CEPT1: variants seen among roughly 807,000 people sequenced by gnomAD.
CEPT1 encodes the protein choline/ethanolaminephosphotransferase 1.
CEPT1 carries 7 observed loss-of-function variants against 42.6 expected under a neutral mutation model. That is an observed-to-expected ratio of 0.16 (90% confidence interval 0.09 to 0.31). The LOEUF is 0.31. Among genes scored for constraint, CEPT1 ranks in the 10% least tolerant of loss-of-function variants. CEPT1 has a pLI of 1.00. For missense variants in CEPT1, 306 were observed against 502.1 expected, an observed-to-expected ratio of 0.61 and a Z score of 3.73; for synonymous variants, 171 against 171.9, an observed-to-expected ratio of 0.99 and a Z score of 0.04.
chr1:111,169,764 G>A (rs1656329935), intron 4 of CEPT1, among the ~76,000 whole-genome samples: 1 of 152,078 alleles, frequency 6.6e-6, no homozygotes, highest in Admixed American at 6.5e-5. Context: ...AAGTGAATTT[G>A]ATTTATTAGC....
intron 2 of CEPT1, among the ~76,000 whole-genome samples, chr1:111,150,403 C>T (rs906196553): frequency 3.3e-5 from 5 of 152,282 alleles, no homozygotes; most frequent in South Asian, 2.1e-4. Flanking sequence ...CCTTCCCATT[C>T]GTGATTTCCT....
intron 5 of CEPT1, chr1:111,181,179 T>TAAA (rs1414303796): frequency 1.3e-5 from 2 of 151,270 alleles, no homozygotes; most frequent in African/African-American, 2.4e-5. Flanking sequence ...AAAAAAAAAT[T>TAAA]TTTTTTTTCA....
At chr1:111,143,964 A>C (rs995114427) in intron 1 of CEPT1, among the ~76,000 whole-genome samples, 3 of 152,188 alleles carry the variant, frequency 2.0e-5, no homozygotes, top group African/African-American at 7.2e-5. Flanking sequence ...TCCTGAGCTC[A>C]GGTGATCCAC....
chr1:111,182,744 ATG>A (rs1657051911), intron 6 of CEPT1, 53 bp from the exon 7 acceptor site: 1 of 1,438,704 alleles, frequency 7.0e-7, no homozygotes, highest in South Asian at 1.3e-5. Flanking sequence ...CAGCAGATCC[ATG>A]TAGTATCTGA....
chr1:111,182,742 C>T (rs1268659576), intron 6 of CEPT1, 57 bp from the exon 7 acceptor site: 3 of 1,423,838 alleles, frequency 2.1e-6, no homozygotes, highest in Non-Finnish European at 2.9e-6. Flanking sequence ...TGCAGCAGAT[C>T]CATGTAGTAT....
upstream of CEPT1, chr1:111,139,741 A>G (rs1654145342): frequency 6.6e-6 from 1 of 152,370 alleles, no homozygotes; most frequent in South Asian, 2.1e-4. Context: ...AGTAGGGGAA[A>G]CCAAGGAAGA....
chr1:111,143,724 T>G (rs1654795024), intron 1 of CEPT1, among the ~76,000 whole-genome samples: 1 of 152,128 alleles, frequency 6.6e-6, no homozygotes, highest in African/African-American at 2.4e-5. Flanking sequence ...GTGGCTACAA[T>G]AACTTTTGGG....
rs147623899 is a variant in CEPT1 at position 111,169,182 on chromosome 1, C to A, written c.630-5697C>A. Among the ~76,000 whole-genome samples the A allele has an allele frequency of 2.6e-3, 402 of 152,328 alleles. 2 individuals carry two copies. The highest frequency in any genetic ancestry group is 4.6e-3 in the Admixed American group (70 of 15,310). On this transcript the variant is annotated intron_variant, in intron 4 of 8. Transcript: ENST00000357172. ...GTGTAATTCCTGGATGCAGAACCCA[C>A]AGATAGAGAGGGCCGACTGTACTAA... is the stretch of plus-strand genomic sequence containing the variant.
chr1:111,145,445 G>T (rs1654906824), intron 1 of CEPT1, among the ~76,000 whole-genome samples: 1 of 152,190 alleles, frequency 6.6e-6, no homozygotes, highest in Admixed American at 6.5e-5. Context: ...TGAGATACGT[G>T]ATTGACAGAG....
intron 1 of CEPT1, among the ~76,000 whole-genome samples, chr1:111,145,757 A>C (rs1032861147): frequency 2.0e-5 from 3 of 152,180 alleles, no homozygotes; most frequent in Non-Finnish European, 4.4e-5. Flanking sequence ...GGGCAGCAGG[A>C]GCACCATGTT....
chr1:111,165,074 G>T (rs1259766659), intron 4 of CEPT1, among the ~76,000 whole-genome samples: 6 of 119,644 alleles, frequency 5.0e-5, no homozygotes, highest in Non-Finnish European at 9.8e-5. Flanking sequence ...TTTTGAGACG[G>T]AGTCTCACTG....
chr1:111,161,395 T>C, intron 4 of CEPT1, 99 bp downstream of exon 4: 1 of 1,187,900 alleles, frequency 8.4e-7, no homozygotes, highest in South Asian at 1.6e-5. Flanking sequence ...AATCACTAAG[T>C]TAGTTTAATA....
chr1:111,164,329 G>C (rs1373159004), intron 4 of CEPT1, among the ~76,000 whole-genome samples: 1 of 152,168 alleles, frequency 6.6e-6, no homozygotes, highest in African/African-American at 2.4e-5. Flanking sequence ...GTCATGTCTA[G>C]ACAGACTCCT....
At chr1:111,170,939 A>T (rs964022017) in intron 4 of CEPT1, among the ~76,000 whole-genome samples, 2 of 152,190 alleles carry the variant, frequency 1.3e-5, no homozygotes, top group Admixed American at 6.5e-5. Context: ...ACACAATTAA[A>T]TTTACTATTT....
chr1:111,164,626 G>A (rs956489668), intron 4 of CEPT1, among the ~76,000 whole-genome samples: 9 of 151,610 alleles, frequency 5.9e-5, no homozygotes, highest in African/African-American at 2.2e-4. Flanking sequence ...GTTTTGTTTT[G>A]TTTTGTTTTG....
rs565174209 is a variant in CEPT1 at position 111,156,350 on chromosome 1, G to C, written c.340-3030G>C. On this transcript the variant is annotated intron_variant, in intron 2 of 8. Transcript: ENST00000357172. The stretch of plus-strand genomic sequence containing the variant: ...CATGGTTTGTCCTGGAGAATGTTTC[G>C]TGTGCTGATGAGAAGAATGTGTATT... Among the ~76,000 whole-genome samples the C allele has an allele frequency of 3.2e-4, 49 of 152,256 alleles. No homozygotes were observed. The South Asian group carries it at 1.0e-2, about 31-fold the overall frequency.
At chr1:111,170,142 C>T (rs1382629640) in intron 4 of CEPT1, among the ~76,000 whole-genome samples, 1 of 152,164 alleles carries the variant, frequency 6.6e-6, no homozygotes, top group African/African-American at 2.4e-5. Flanking sequence ...TTCATGATCC[C>T]TTTATTTAAC....
Position 111,155,684 on chromosome 1 carries a change from A to G in CEPT1, c.340-3696A>G, listed in dbSNP as rs112758850. 6.9e-3 allele frequency among the ~76,000 whole-genome samples: 1,051 copies of G among 152,144 alleles called. 14 individuals are homozygous for G. The highest frequency in any genetic ancestry group is 0.021 in the African/African-American group (876 of 41,478). On this transcript the variant is annotated intron_variant, in intron 2 of 8. Transcript: ENST00000357172. ...CTCCCGAGTAGCTGGAATTACAGGC[A>G]TGCGCCACCACACCCGGCTAATTTT...
At chr1:111,155,090 C>T (rs1355967461) in intron 2 of CEPT1, among the ~76,000 whole-genome samples, 1 of 152,128 alleles carries the variant, frequency 6.6e-6, no homozygotes, top group African/African-American at 2.4e-5. Context: ...TAGAATTCAG[C>T]AGTAAAGGCA....
Sources: gnomAD v4.1 joint callset for allele counts (sites outside exome capture counted in the v4.1 genomes callset) on GRCh38, gnomAD v4.1.1 for gene constraint, MANE v1.5 for transcripts, NCBI Gene and HGNC (gene_info 2026-07-23, HGNC 2026-07-21) for gene names.